MKS1: variants seen among roughly 807,000 people sequenced by gnomAD.
The protein encoded by MKS1 is tectonic-like complex member MKS1.
In MKS1, 70 loss-of-function variants were observed where a neutral mutation model predicts 83.7. The ratio of observed to expected loss-of-function variants is 0.84; its 90% CI spans 0.69 to 1.02. MKS1 has a LOEUF of 1.02. Among genes scored for constraint, MKS1 ranks in the 50% least tolerant of loss-of-function variants. MKS1 has a pLI of 0.00. For synonymous variants in MKS1, 251 were observed against 273.4 expected (o/e 0.92, Z 0.81); for missense variants, 681 against 726.9 (o/e 0.94, Z 0.73).
rs1441531378 is a variant in MKS1 at position 58,214,307 on chromosome 17, G to C, written c.596C>G (p.Thr199Ser). ...CATGATGTGCATTGTCTGAAGAGGG[G>C]TGTTAATGACGTGGTTGTTCCTGAC... ...EFVRNNHVIN[T>S]PLQTMHIMAD... The change falls in exon 6 of 18, where the codon ACC (threonine) becomes AGC (serine). Residue 199 changes from threonine (T) to serine (S), a missense_variant. This residue lies in a region of MKS1 where 365 missense variants were observed against 383.8 expected (regional missense o/e 0.95). Transcript: ENST00000393119. 1.2e-6 allele frequency: 2 copies of C among 1,614,040 alleles called. No individual in the cohort carries two copies. Among genetic ancestry groups the C allele is most frequent in the Non-Finnish European group, 1.7e-6 (2 of 1,180,042 alleles).
At chr17:58,216,640 A>G in intron 3 of MKS1, 26 bp downstream of exon 3, 1 of 1,611,562 alleles carries the variant, frequency 6.2e-7, no homozygotes, top group Middle Eastern at 1.6e-4. Flanking sequence ...TGGAATAGAC[A>G]GAGAAGACAA....
Position 58,216,696 on chromosome 17 carries a change from C to T in MKS1, c.231G>A (p.Val77=). The stretch of plus-strand genomic sequence containing the variant: ...TAAAGAGCTTCTCCTGCCACCCAAT[C>T]ACAATCTCCTCCTCTTCGTCTTCCT... ...RPEEDEEEEI[V]IGWQEKLFSQ... Residue 77 remains valine (V), a synonymous_variant, in exon 3 of 18, where the codon GTG becomes GTA. Coordinates refer to ENST00000393119, the MANE Select transcript of MKS1 (RefSeq NM_017777.4). The T allele has an allele frequency of 6.2e-7, 1 of 1,614,234 alleles. No individual in the cohort carries two copies. Among genetic ancestry groups the T allele is most frequent in the Non-Finnish European group, 8.5e-7 (1 of 1,180,030 alleles).
At chr17:58,210,236 A>T (rs1274728566) in intron 11 of MKS1, among the ~76,000 whole-genome samples, 2 of 152,194 alleles carry the variant, frequency 1.3e-5, no homozygotes, top group African/African-American at 4.8e-5. Context: ...GAAACCTGGG[A>T]GTCTGAGACG....
chr17:58,211,775 A>G (rs1289903303), intron 9 of MKS1, among the ~76,000 whole-genome samples: 4 of 137,660 alleles, frequency 2.9e-5, no homozygotes, highest in Non-Finnish European at 6.1e-5. Context: ...TATGTTGCCC[A>G]GGCTGCTCTC....
At chr17:58,214,667 A>G (rs1306519033) in intron 5 of MKS1, 74 bp downstream of exon 5, 14 of 1,499,244 alleles carry the variant, frequency 9.3e-6, no homozygotes, top group Non-Finnish European at 1.2e-5. Context: ...ATAACCACTG[A>G]TAAAAATGCA....
In MKS1 at chr17:58,216,174, T is replaced by G. The variant is rs886044605; in HGVS notation, c.331A>C (p.Ile111Leu). The G allele has an allele frequency of 1.2e-6, 2 of 1,613,948 alleles. No homozygotes were observed. The highest frequency in any genetic ancestry group is 3.3e-5 in the Admixed American group (2 of 60,010). ...SPLDYQYRQE[I>L]LKLENSGGKK... is the part of the protein sequence containing the mutation. Reference sequence around the variant, plus strand: ...CCACCCGAATTCTCCAGCTTCAGGATCTCCTGACGGTACTGATAATCCAAA... The same window carrying G: ...CCACCCGAATTCTCCAGCTTCAGGAGCTCCTGACGGTACTGATAATCCAAA... Residue 111 changes from isoleucine (I) to leucine (L), a missense_variant, in exon 4 of 18, where the codon ATC becomes CTC. Physicochemically the swap from Ile to Leu is conservative, Grantham distance 5. Transcript: ENST00000393119.
chr17:58,214,144 G>A (rs1969046567), intron 6 of MKS1, 115 bp downstream of exon 6: 2 of 1,494,086 alleles, frequency 1.3e-6, no homozygotes. Flanking sequence ...AAGAAGAGAA[G>A]GAAGAAAAAG....
intron 10 of MKS1, 45 bp from the exon 11 acceptor site, chr17:58,210,769 C>T: frequency 6.3e-7 from 1 of 1,585,302 alleles, no homozygotes; most frequent in Non-Finnish European, 8.7e-7. Context: ...TCTCCTACCA[C>T]CCTTAGCACC....
intron 17 of MKS1, 37 bp from the exon 18 acceptor site, chr17:58,206,207 T>A (rs1968494844): frequency 6.2e-7 from 1 of 1,613,954 alleles, no homozygotes; most frequent in Non-Finnish European, 8.5e-7. Context: ...GGCTGCCATA[T>A]GGTATTTCTC....
At chr17:58,211,346 A>G (rs1296375599) in intron 9 of MKS1, among the ~76,000 whole-genome samples, 1 of 152,236 alleles carries the variant, frequency 6.6e-6, no homozygotes, top group Non-Finnish European at 1.5e-5. Flanking sequence ...GAGGTCAAGA[A>G]ACCAGGGAGT....
chr17:58,206,429 C>T, intron 16 of MKS1, 36 bp downstream of exon 16: 1 of 1,614,098 alleles, frequency 6.2e-7, no homozygotes, highest in Middle Eastern at 1.6e-4. Context: ...CCCCTCAGGG[C>T]TAAGGTGCCC....
In MKS1 at chr17:58,218,730, C is replaced by CT; in HGVS notation, c.81-2dup. The CT allele has an allele frequency of 6.2e-7, 1 of 1,612,716 alleles. No homozygotes were observed. The highest frequency in any genetic ancestry group is 8.5e-7 in the Non-Finnish European group (1 of 1,178,890). ...TGATGTGATTCTTTGCAGGTGGACT[C>CT]TGTCAAGAAAAGCCCAAAATATTCG... On this transcript the variant is annotated splice_acceptor_variant, in intron 1 of 17. Transcript: ENST00000393119. LOFTEE classifies it high-confidence loss of function.
chr17:58,213,031 G>T lies in MKS1; in HGVS notation c.809C>A (p.Pro270His), dbSNP rs368751106. 1 of 1,614,110 alleles carries T rather than the reference G, an allele frequency of 6.2e-7. No individual in the cohort carries two copies. The highest frequency in any genetic ancestry group is 8.5e-7 in the Non-Finnish European group (1 of 1,180,030). ...LWKYTIDNVSPHAQPEEEERE... is the reference protein window; with the variant it reads ...LWKYTIDNVSHHAQPEEEERE... The stretch of plus-strand genomic sequence containing the variant: ...CTCCTCCTCCTCCGGCTGTGCGTGG[G>T]GGGAAACATTGTCGATCGTATATTT... Residue 270 changes from proline (P) to histidine (H), a missense_variant, in exon 8 of 18, where the codon CCC becomes CAC. This residue lies in a region of MKS1 where 365 missense variants were observed against 383.8 expected (regional missense o/e 0.95). Coordinates refer to ENST00000393119, the MANE Select transcript of MKS1 (RefSeq NM_017777.4).
At chr17:58,218,573 A>G in intron 2 of MKS1, 47 bp downstream of exon 2, 3 of 1,342,338 alleles carry the variant, frequency 2.2e-6, no homozygotes, top group Admixed American at 1.7e-5. Context: ...AATTCTGATT[A>G]GTATCATAAT....
Position 58,218,836 on chromosome 17 carries a change from G to C in MKS1, c.81-107C>G. On this transcript the variant is annotated intron_variant, in intron 1 of 17. Transcript: ENST00000393119. Reference sequence around the variant, plus strand: ...AGAGGAGGTAGGGTTGCCAAGGTGTGCTGGGTGCAGACAACGGAGAGGAGG... The same window carrying C: ...AGAGGAGGTAGGGTTGCCAAGGTGTCCTGGGTGCAGACAACGGAGAGGAGG... The C allele has an allele frequency of 3.8e-6, 4 of 1,049,248 alleles. No homozygotes were observed. In the South Asian group the frequency reaches 5.3e-5, roughly 14 times the overall value. The allele number at this position is 1,049,248 out of a possible 1,614,324, so 65.0% of individuals were successfully genotyped here.
rs1969068781 is a variant in MKS1 at position 58,214,396 on chromosome 17, C to T, written c.516-9G>A. 6.2e-7 allele frequency: 1 copy of T among 1,612,686 alleles called. No individual in the cohort carries two copies. The highest frequency in any genetic ancestry group is 8.5e-7 in the Non-Finnish European group (1 of 1,180,022). On this transcript the variant is annotated splice_polypyrimidine_tract_variant and intron_variant, in intron 5 of 17. Transcript: ENST00000393119. The stretch of plus-strand genomic sequence containing the variant: ...TGAGGATGCCGCCCTCCCTGGGAGA[C>T]ACCACAGAAAGGTCACTTCCCTGGC...
rs773748096 is a variant in MKS1 at position 58,206,429 on chromosome 17, C to G, written c.1490+36G>C. 2.5e-6 allele frequency: 4 copies of G among 1,614,098 alleles called. No individual in the cohort carries two copies. The Admixed American group carries it at 6.7e-5, about 27-fold the overall frequency. ...TTACGGCTGTCTCCACCCCTCAGGG[C>G]TAAGGTGCCCTGAGGCAGAGGGCCA... On this transcript the variant is annotated intron_variant, in intron 16 of 17. Transcript: ENST00000393119.
chr17:58,206,833 A>G, intron 15 of MKS1: 1 of 633,700 alleles, frequency 1.6e-6, no homozygotes, highest in Non-Finnish European at 2.7e-6. Context: ...GATGGGGGAA[A>G]GAGCCAGTTA....
intron 12 of MKS1, 53 bp downstream of exon 12, chr17:58,208,460 A>T: frequency 6.3e-7 from 1 of 1,594,894 alleles, no homozygotes; most frequent in Non-Finnish European, 8.6e-7. Flanking sequence ...CTCAAATGCC[A>T]TCCCAGGAGC....
Sources: gnomAD v4.1 joint callset for allele counts (sites outside exome capture counted in the v4.1 genomes callset) on GRCh38, gnomAD v4.1.1 for gene constraint, gnomAD v4.1.1 regional missense constraint, MANE v1.5 for transcripts, NCBI Gene and HGNC (gene_info 2026-07-23, HGNC 2026-07-21) for gene names.